The following TRMT13 variants were observed in gnomAD, a reference collection of about 807,000 sequenced individuals.
The protein encoded by TRMT13 is tRNA:m(4)X modification enzyme TRM13 homolog.
In TRMT13, 45 loss-of-function variants were observed where a neutral mutation model predicts 55.9. The ratio of observed to expected loss-of-function variants is 0.80; its 90% CI spans 0.63 to 1.03. The LOEUF (loss-of-function observed/expected upper bound fraction) is 1.03, where lower values mean the gene tolerates loss of function less well. Among genes scored for constraint, TRMT13 ranks in the 50% least tolerant of loss-of-function variants. TRMT13 has a pLI of 0.00. For missense variants in TRMT13, 513 were observed against 563.9 expected (o/e 0.91, Z 0.91); for synonymous variants, 183 against 196.3 (o/e 0.93, Z 0.57).
At chr1:100,142,687 TATGTGTCTG>T (rs567255828) in intron 7 of TRMT13, among the ~76,000 whole-genome samples, 91 of 152,204 alleles carry the variant, frequency 6.0e-4, no homozygotes, top group Non-Finnish European at 1.1e-3. Context: ...CACAATTGAG[TATGTGTCTG>T]ATGCCCATTG....
rs1657816458 is a variant in TRMT13 at position 100,150,042 on chromosome 1, A to T, written c.*1222A>T. On this transcript the variant is annotated 3_prime_UTR_variant, in exon 11 of 11. Coordinates refer to ENST00000370141, the MANE Select transcript of TRMT13 (RefSeq NM_019083.3). ...CATCTTCAGTTGTGCGACCTTGGGC[A>T]TGCTACCTAATCTCTTTGTGCCTCA... 1 of 152,402 alleles carries T rather than the reference A, an allele frequency of 6.6e-6. No homozygotes were observed. Among genetic ancestry groups the T allele is most frequent in the Non-Finnish European group, 1.5e-5 (1 of 68,202 alleles). The allele number at this position is 152,402 out of a possible 1,614,324, so 9.4% of individuals were successfully genotyped here.
chr1:100,143,011 T>C (rs1656806404), intron 7 of TRMT13, 126 bp from the exon 8 acceptor site: 6 of 616,972 alleles, frequency 9.7e-6, no homozygotes, highest in Non-Finnish European at 1.7e-5. Flanking sequence ...TCAAAGAATG[T>C]ACAATCTTAA....
rs774921115 is a variant in TRMT13, at chr1:100,139,668, T to C, written c.281T>C (p.Ile94Thr). ...GTTAAGGATTTCTATATTCAAGATA[T>C]TAATGCAGGCTTAAGAGATGAAACA... ...KPKPDFYIQD[I>T]NAGLRDETEI... Residue 94 changes from isoleucine (I) to threonine (T), a missense_variant, in exon 4 of 11, where the codon ATT becomes ACT. Ile to Thr is a moderately conservative substitution (Grantham distance 89, BLOSUM62 -1). Around this residue, in one of 3 missense-constraint regions of TRMT13, gnomAD observed 298 missense variants for 290.3 expected, o/e 1.03. Transcript: ENST00000370141. The C allele has an allele frequency of 8.9e-5, 137 of 1,543,168 alleles. No homozygotes were observed. The highest frequency in any genetic ancestry group is 1.2e-4 in the Non-Finnish European group (134 of 1,118,948).
chr1:100,138,674 A>G (rs1163610977), intron 3 of TRMT13, among the ~76,000 whole-genome samples: 2 of 152,216 alleles, frequency 1.3e-5, no homozygotes, highest in African/African-American at 2.4e-5. Flanking sequence ...TTCACTTTTG[A>G]AACAGGATTT....
Position 100,149,360 on chromosome 1 carries a change from A to C in TRMT13, c.*540A>C. Reference sequence around the variant, plus strand: ...ATTAATAAACACAATTAATTAATGAAGTCACCTTCAAATTTCCAGAGCCAT... The same window carrying C: ...ATTAATAAACACAATTAATTAATGACGTCACCTTCAAATTTCCAGAGCCAT... On this transcript the variant is annotated 3_prime_UTR_variant, in exon 11 of 11. Transcript: ENST00000370141. The C allele has an allele frequency of 6.5e-7, 1 of 1,543,576 alleles. No individual in the cohort carries two copies. Among genetic ancestry groups the C allele is most frequent in the East Asian group, 2.5e-5 (1 of 40,648 alleles).
intron 1 of TRMT13, among the ~76,000 whole-genome samples, 158 bp downstream of exon 1, chr1:100,133,473 G>C (rs763094051): frequency 2.0e-5 from 3 of 152,148 alleles, no homozygotes; most frequent in Non-Finnish European, 4.4e-5. Context: ...TCCTTGCGGA[G>C]CGATTATGAG....
intron 9 of TRMT13, among the ~76,000 whole-genome samples, chr1:100,146,762 C>T (rs1187370160): frequency 3.3e-5 from 5 of 152,306 alleles, no homozygotes; most frequent in South Asian, 2.1e-4. Flanking sequence ...CCTCAGCCGG[C>T]GTGAGCTACT....
intron 9 of TRMT13, among the ~76,000 whole-genome samples, chr1:100,146,609 G>A (rs567373920): frequency 2.6e-5 from 4 of 152,062 alleles, no homozygotes; most frequent in African/African-American, 4.8e-5. Context: ...GGCTTCAAGC[G>A]ATTCTCCTGC....
At chr1:100,141,252 GA>G (rs1656585610) in intron 7 of TRMT13, among the ~76,000 whole-genome samples, 2 of 152,126 alleles carry the variant, frequency 1.3e-5, no homozygotes, top group Non-Finnish European at 2.9e-5. Flanking sequence ...GCAGAGACAG[GA>G]AAATATATAG....
At chr1:100,142,769 G>T (rs189118706) in intron 7 of TRMT13, 18 of 231,134 alleles carry the variant, frequency 7.8e-5, no homozygotes, top group African/African-American at 4.2e-4. Flanking sequence ...GATTAGAATG[G>T]TTGTGATCTT....
At chr1:100,134,066 T>A (rs12119539) in intron 1 of TRMT13, among the ~76,000 whole-genome samples, 6,749 of 150,910 alleles carry the variant, frequency 0.045, 179 homozygotes, top group African/African-American at 0.063. Context: ...CCAGACTGAA[T>A]CTCAAAAAAG....
Position 100,148,342 on chromosome 1 carries a change from T to C in TRMT13, c.1250+16T>C. Reference sequence around the variant, plus strand: ...GTTTGCCTGGGTAAGAGACTACTTTTGTAATGCATGATACTAAAGGAGAAA... The same window carrying C: ...GTTTGCCTGGGTAAGAGACTACTTTCGTAATGCATGATACTAAAGGAGAAA... On this transcript the variant is annotated intron_variant, in intron 10 of 10. Coordinates refer to ENST00000370141, the MANE Select transcript of TRMT13 (RefSeq NM_019083.3). 6.2e-7 allele frequency: 1 copy of C among 1,603,858 alleles called. No individual in the cohort carries two copies. Among genetic ancestry groups the C allele is most frequent in the East Asian group, 2.2e-5 (1 of 44,800 alleles).
At chr1:100,144,393 G>A in intron 9 of TRMT13, 1 of 286,780 alleles carries the variant, frequency 3.5e-6, no homozygotes, top group Non-Finnish European at 6.4e-6. Flanking sequence ...AAAGTTCTTT[G>A]GGTTAAATTT....
rs1258319953 is a variant in TRMT13 at position 100,143,955 on chromosome 1, G to A, written c.743-114G>A. The A allele has an allele frequency of 4.9e-6, 4 of 812,748 alleles. No individual in the cohort carries two copies. In the Admixed American group the frequency reaches 9.9e-5, roughly 20 times the overall value. 50.3% of individuals were successfully genotyped at this position (812,748 alleles called of 1,614,324 possible). A position where few individuals can be genotyped will look rare whatever the true frequency, so the allele number is the denominator to read the frequency against. On this transcript the variant is annotated intron_variant, in intron 8 of 10. Transcript: ENST00000370141. ...TGGGTTCCATAAAGTGATAATTTTT[G>A]TTTGAGTCTCTTTCAGGCTAAAATT...
At chr1:100,143,328 A>G in intron 8 of TRMT13, 119 bp downstream of exon 8, 2 of 564,760 alleles carry the variant, frequency 3.5e-6, no homozygotes, top group East Asian at 2.9e-5. Context: ...AAATCAATTC[A>G]TTGTTAATAT....
intron 1 of TRMT13, among the ~76,000 whole-genome samples, chr1:100,135,875 A>G (rs1451480005): frequency 6.6e-6 from 1 of 152,218 alleles, no homozygotes; most frequent in African/African-American, 2.4e-5. Flanking sequence ...GTGGTCCCAT[A>G]AGGTTATAAT....
chr1:100,141,687 T>C (rs1049087838), intron 7 of TRMT13, among the ~76,000 whole-genome samples: 10 of 152,142 alleles, frequency 6.6e-5, no homozygotes, highest in Admixed American at 3.3e-4. Context: ...ATGATTGTAG[T>C]GAAGTGTTAA....
In TRMT13 at chr1:100,149,840, C is replaced by T. The variant is rs2101754252; in HGVS notation, c.*1020C>T. 6.4e-6 allele frequency: 1 copy of T among 156,182 alleles called. No individual in the cohort carries two copies. Among genetic ancestry groups the T allele is most frequent in the Non-Finnish European group, 1.4e-5 (1 of 70,960 alleles). The allele number at this position is 156,182 out of a possible 1,614,324, so 9.7% of individuals were successfully genotyped here. ...ATTGTCTTAATTGATGGTACATTTG[C>T]CAAGACAAAGGTTCAGAATTACTAA... is the stretch of plus-strand genomic sequence containing the variant. On this transcript the variant is annotated 3_prime_UTR_variant, in exon 11 of 11. Transcript: ENST00000370141.
At position 100,144,263 on chromosome 1, in the gene TRMT13, A is replaced by T. The variant is rs533734188; in HGVS notation, c.817+120A>T. ...TTATGTTTACAACTCAATAATCTTT[A>T]TAGAGCACTGGCCCTGTGCTTTATT... On this transcript the variant is annotated intron_variant, in intron 9 of 10. Coordinates refer to ENST00000370141, the MANE Select transcript of TRMT13 (RefSeq NM_019083.3). The T allele has an allele frequency of 1.2e-4, 82 of 708,612 alleles. No homozygotes were observed. The African/African-American group carries it at 1.3e-3, about 11-fold the overall frequency. 43.9% of individuals were successfully genotyped at this position (708,612 alleles called of 1,614,324 possible). A position where few individuals can be genotyped will look rare whatever the true frequency, so the allele number is the denominator to read the frequency against.
Sources: gnomAD v4.1 joint callset for allele counts (sites outside exome capture counted in the v4.1 genomes callset) on GRCh38, gnomAD v4.1.1 for gene constraint, gnomAD v4.1.1 regional missense constraint, MANE v1.5 for transcripts, NCBI Gene and HGNC (gene_info 2026-07-23, HGNC 2026-07-21) for gene names.